The following FRMD3 variants were observed in gnomAD, a reference collection of about 807,000 sequenced individuals.
The protein encoded by FRMD3 is FERM domain-containing protein 3.
A neutral mutation model predicts 70.2 loss-of-function variants in FRMD3; 33 were observed. That is an observed-to-expected ratio of 0.47 (90% CI 0.36 to 0.63). The LOEUF (loss-of-function observed/expected upper bound fraction) is 0.63. Ranked by LOEUF, FRMD3 falls within the 20% of genes least tolerant of loss-of-function variation. FRMD3 has a pLI of 0.00. For missense variants in FRMD3, 632 were observed against 711.4 expected (o/e 0.89, Z 1.27); for synonymous variants, 279 against 255.9 (o/e 1.09, Z -0.86).
At position 83,538,345 on chromosome 9, in the gene FRMD3, G is replaced by A; in HGVS notation, c.-114C>T. On this transcript the variant is annotated 5_prime_UTR_variant, in exon 1 of 14. Transcript: ENST00000304195. This position sits in a 1 kb window ranked among gnomAD's most constrained non-coding sequence, Gnocchi z 4.7. ...GACACCTGGGCGCGGCTCAGCCCCG[G>A]GACATCGGCAGCGTCGGGCGCCTGC... 1 of 1,012,858 alleles carries A rather than the reference G, an allele frequency of 9.9e-7. No homozygotes were observed. Among genetic ancestry groups the A allele is most frequent in the Non-Finnish European group, 1.3e-6 (1 of 785,014 alleles). 62.7% of individuals were successfully genotyped at this position (1,012,858 alleles called of 1,614,324 possible).
chr9:83,412,585 A>C (rs2131341792), intron 1 of FRMD3, among the ~76,000 whole-genome samples: 1 of 152,378 alleles, frequency 6.6e-6, no homozygotes, highest in East Asian at 1.9e-4. Flanking sequence ...TAAGACAAAC[A>C]GAAGGGCAAC....
intron 1 of FRMD3, among the ~76,000 whole-genome samples, chr9:83,399,132 T>G (rs1825883404): frequency 6.6e-6 from 1 of 152,120 alleles, no homozygotes; most frequent in Non-Finnish European, 1.5e-5. Flanking sequence ...GACAAAGAAA[T>G]AGTGCATCCA....
intron 6 of FRMD3, among the ~76,000 whole-genome samples, chr9:83,328,798 T>C (rs1377671071): frequency 6.6e-6 from 1 of 152,176 alleles, no homozygotes; most frequent in Non-Finnish European, 1.5e-5. Context: ...GATGGAAAGA[T>C]GCATGGATGG....
intron 6 of FRMD3, among the ~76,000 whole-genome samples, chr9:83,317,785 C>T (rs879857268): frequency 6.6e-6 from 1 of 152,078 alleles, no homozygotes; most frequent in Non-Finnish European, 1.5e-5. Context: ...CTACACAGCC[C>T]CTGAGGACAC....
intron 1 of FRMD3, among the ~76,000 whole-genome samples, chr9:83,514,651 C>T (rs111626087): frequency 1.8e-4 from 27 of 152,320 alleles, no homozygotes; most frequent in African/African-American, 6.3e-4. Context: ...TCCCTGACCC[C>T]CATGCCTACT....
chr9:83,568,925 T>C, the FRMD3 span, among the ~76,000 whole-genome samples: 31 of 102,364 alleles, frequency 3.0e-4, no homozygotes, highest in East Asian at 5.4e-4. Context: ...AAAAGATAGA[T>C]AGATAGATAG....
At chr9:83,419,525 G>GT (rs1826564340) in intron 1 of FRMD3, among the ~76,000 whole-genome samples, 1 of 150,784 alleles carries the variant, frequency 6.6e-6, no homozygotes, top group South Asian at 2.1e-4. Flanking sequence ...TGTGATATGT[G>GT]TTCATGTGTG....
chr9:83,368,602 C>T (rs932058925), intron 3 of FRMD3, among the ~76,000 whole-genome samples: 4 of 152,118 alleles, frequency 2.6e-5, no homozygotes, highest in Admixed American at 6.5e-5. Flanking sequence ...AATTAATTAG[C>T]TTTTCAATTA....
intron 1 of FRMD3, among the ~76,000 whole-genome samples, chr9:83,476,200 A>G (rs1241182316): frequency 6.6e-6 from 1 of 152,142 alleles, no homozygotes; most frequent in East Asian, 1.9e-4. Flanking sequence ...CCTGGCCAAC[A>G]TGGCAAAACC....
chr9:83,375,093 G>T (rs1825099456), intron 2 of FRMD3, among the ~76,000 whole-genome samples: 1 of 152,166 alleles, frequency 6.6e-6, no homozygotes, highest in South Asian at 2.1e-4. Flanking sequence ...TGACAAGTCA[G>T]TTTCATTTTG....
At chr9:83,449,773 T>C (rs1827587765) in intron 1 of FRMD3, among the ~76,000 whole-genome samples, 1 of 152,190 alleles carries the variant, frequency 6.6e-6, no homozygotes, top group African/African-American at 2.4e-5. Flanking sequence ...CAGAAGCTCC[T>C]ATGAAGATTC....
chr9:83,289,228 G>A (rs998715413), intron 13 of FRMD3, among the ~76,000 whole-genome samples: 1 of 152,164 alleles, frequency 6.6e-6, no homozygotes, highest in African/African-American at 2.4e-5. Flanking sequence ...GAAAAACACA[G>A]ACAAGCAACA....
chr9:83,270,183 G>A (rs1833486420), intron 13 of FRMD3, among the ~76,000 whole-genome samples: 3 of 152,238 alleles, frequency 2.0e-5, no homozygotes, highest in Admixed American at 6.5e-5. Flanking sequence ...TTGTTTGTCT[G>A]AGAATTGGGA....
At chr9:83,316,415 C>T (rs540334911) in intron 6 of FRMD3, among the ~76,000 whole-genome samples, 2 of 152,278 alleles carry the variant, frequency 1.3e-5, no homozygotes, top group African/African-American at 4.8e-5. Context: ...CCTCAGCCTC[C>T]CAGAGTGCTG....
intron 13 of FRMD3, chr9:83,281,752 A>T (rs926515059): frequency 2.6e-5 from 4 of 152,466 alleles, no homozygotes; most frequent in African/African-American, 9.7e-5. Flanking sequence ...TTTCCCCTGC[A>T]GCCTGGCTCT....
intron 1 of FRMD3, among the ~76,000 whole-genome samples, chr9:83,458,563 G>C (rs1479395919): frequency 2.6e-5 from 4 of 152,234 alleles, no homozygotes; most frequent in African/African-American, 9.6e-5. Context: ...AAGCCGAAGA[G>C]AAAACCTCCA....
At chr9:83,318,078 T>G (rs1835653818) in intron 6 of FRMD3, among the ~76,000 whole-genome samples, 1 of 152,230 alleles carries the variant, frequency 6.6e-6, no homozygotes, top group Non-Finnish European at 1.5e-5. Context: ...CTTAGCTTCT[T>G]ATGATCAAGA....
intron 2 of FRMD3, among the ~76,000 whole-genome samples, chr9:83,374,531 G>A (rs1448352698): frequency 6.6e-6 from 1 of 152,192 alleles, no homozygotes; most frequent in African/African-American, 2.4e-5. Context: ...TAACTGAACA[G>A]TGGAAGACAC....
rs752938809 is a variant in FRMD3 at position 83,335,477 on chromosome 9, C to T, written c.596+39G>A. On this transcript the variant is annotated intron_variant, in intron 6 of 13. Transcript: ENST00000304195. Reference sequence around the variant, plus strand: ...ATTCCCTGCAGTAAGAATATTTTCTCCCCTTTATCATTTTCACAAATGTCT... The same window carrying T: ...ATTCCCTGCAGTAAGAATATTTTCTTCCCTTTATCATTTTCACAAATGTCT... 6 of 1,553,862 alleles carry T rather than the reference C, an allele frequency of 3.9e-6. No individual in the cohort carries two copies. The East Asian group carries it at 1.1e-4, about 29-fold the overall frequency.
Sources: allele counts gnomAD v4.1 joint callset (sites outside exome capture counted in the v4.1 genomes callset), GRCh38; gene constraint gnomAD v4.1.1; non-coding constraint Gnocchi (gnomAD v3.1); transcripts MANE v1.5; gene names NCBI Gene and HGNC (gene_info 2026-07-23, HGNC 2026-07-21).